The following STXBP5 variants were observed in gnomAD, a reference collection of about 807,000 sequenced individuals.
STXBP5 encodes the protein syntaxin binding protein 5, also known as syntaxin-binding protein 5.
In STXBP5, 50 loss-of-function variants were observed where a neutral mutation model predicts 152.4. That is an observed-to-expected ratio of 0.33 (90% CI 0.26 to 0.42). The LOEUF (loss-of-function observed/expected upper bound fraction) is 0.42. Ranked by LOEUF, STXBP5 falls within the 10% of genes least tolerant of loss-of-function variation. The pLI is 1.00. For missense variants in STXBP5, 1,167 were observed against 1,388.6 expected (o/e 0.84, Z 2.54); for synonymous variants, 492 against 494.7 (o/e 0.99, Z 0.07).
intron 18 of STXBP5, among the ~76,000 whole-genome samples, chr6:147,333,572 C>G (rs547453553): frequency 6.6e-6 from 1 of 152,106 alleles, no homozygotes; most frequent in South Asian, 2.1e-4. Context: ...AACTTCCTAT[C>G]TAATGAAAAA....
At chr6:147,355,411 G>T (rs1484059275) in intron 22 of STXBP5, among the ~76,000 whole-genome samples, 3 of 152,122 alleles carry the variant, frequency 2.0e-5, no homozygotes, top group Admixed American at 6.6e-5. Context: ...TGGCATGATT[G>T]TATCAGGTGC....
intron 6 of STXBP5, among the ~76,000 whole-genome samples, chr6:147,264,624 T>G (rs1779800388): frequency 6.6e-6 from 1 of 152,130 alleles, no homozygotes; most frequent in Admixed American, 6.5e-5. Context: ...ACATACACAC[T>G]AATGCTTTTT....
rs570857007 is a variant in STXBP5, at chr6:147,205,399, G to T, written c.151-572G>T. On this transcript the variant is annotated intron_variant, in intron 1 of 27. Transcript: ENST00000321680. Reference sequence around the variant, plus strand: ...ATATATATATATATATATATATATAGGTCTAATGCCCTAAAATGATTATGG... The same window carrying T: ...ATATATATATATATATATATATATATGTCTAATGCCCTAAAATGATTATGG... 8.3e-3 allele frequency among the ~76,000 whole-genome samples: 1,052 copies of T among 126,528 alleles called. 12 individuals carry two copies. Among genetic ancestry groups the T allele is most frequent in the African/African-American group, 0.033 (995 of 30,372 alleles). The allele number at this position is 126,528 out of a possible 152,430, so 83.0% of individuals were successfully genotyped here. A position where few individuals can be genotyped will look rare whatever the true frequency, so the allele number is the denominator to read the frequency against.
At chr6:147,365,430 G>A (rs1785248557) in intron 25 of STXBP5, among the ~76,000 whole-genome samples, 1 of 152,046 alleles carries the variant, frequency 6.6e-6, no homozygotes. Flanking sequence ...CTGAAATGTG[G>A]TCTTAATTCA....
At chr6:147,363,786 T>A (rs1785172661) in intron 24 of STXBP5, 82 bp downstream of exon 24, 2 of 1,506,156 alleles carry the variant, frequency 1.3e-6, no homozygotes, top group South Asian at 2.7e-5. Context: ...AAAGAAATGC[T>A]TTTTGTGTGT....
rs777588140 is a variant in STXBP5 at position 147,389,348 on chromosome 6, A to G, written c.*4593A>G. The G allele has an allele frequency of 3.3e-5, 5 of 151,876 alleles. No homozygotes were observed. The highest frequency in any genetic ancestry group is 4.8e-5 in the African/African-American group (2 of 41,430). The allele number at this position is 151,876 out of a possible 1,614,324, so 9.4% of individuals were successfully genotyped here. A position where few individuals can be genotyped will look rare whatever the true frequency, so the allele number is the denominator to read the frequency against. The stretch of plus-strand genomic sequence containing the variant: ...GGCTTACCTTTCTCAGATGAATTAA[A>G]TGATTTTAATAACTTCCCAATTACC... On this transcript the variant is annotated 3_prime_UTR_variant, in exon 28 of 28. Transcript: ENST00000321680.
At chr6:147,286,837 T>C (rs1780987096) in intron 8 of STXBP5, among the ~76,000 whole-genome samples, 1 of 151,956 alleles carries the variant, frequency 6.6e-6, no homozygotes, top group African/African-American at 2.4e-5. Context: ...CAGCCCAATC[T>C]CCTTTCTTGT....
chr6:147,342,446 C>T (rs1324542809), intron 21 of STXBP5, among the ~76,000 whole-genome samples: 1 of 152,156 alleles, frequency 6.6e-6, no homozygotes, highest in African/African-American at 2.4e-5. Context: ...TAGTTTTAGT[C>T]TTGTGAGTTT....
At chr6:147,338,878 CTATT>C (rs1457935376) in intron 19 of STXBP5, among the ~76,000 whole-genome samples, 6 of 151,208 alleles carry the variant, frequency 4.0e-5, no homozygotes, top group East Asian at 1.9e-4. Context: ...CAGTTAAACA[CTATT>C]TATAGTTTTT....
chr6:147,255,779 G>A (rs2115310925), intron 4 of STXBP5, among the ~76,000 whole-genome samples: 1 of 152,294 alleles, frequency 6.6e-6, no homozygotes, highest in East Asian at 1.9e-4. Flanking sequence ...CTCCCACAGT[G>A]CTGGAATTAC....
At chr6:147,314,065 A>G (rs1782514760) in intron 12 of STXBP5, 34 bp downstream of exon 12, 1 of 1,544,910 alleles carries the variant, frequency 6.5e-7, no homozygotes, top group African/African-American at 1.4e-5. Flanking sequence ...TTAATGTTAT[A>G]TTTCTTATTT....
intron 3 of STXBP5, among the ~76,000 whole-genome samples, chr6:147,238,159 AT>A (rs1271309139): frequency 5.3e-5 from 8 of 152,178 alleles, no homozygotes; most frequent in Non-Finnish European, 1.5e-5. Flanking sequence ...AAAGAAATTT[AT>A]TTAACTTTTG....
chr6:147,314,054 T>C, intron 12 of STXBP5, 23 bp downstream of exon 12: 1 of 1,561,838 alleles, frequency 6.4e-7, no homozygotes, highest in Non-Finnish European at 8.7e-7. Context: ...AGCTTCAGTA[T>C]TTAATGTTAT....
chr6:147,367,455 A>G (rs1354356944), intron 25 of STXBP5, among the ~76,000 whole-genome samples: 1 of 151,998 alleles, frequency 6.6e-6, no homozygotes, highest in Non-Finnish European at 1.5e-5. Context: ...TGGCTAACAC[A>G]GTGAAACCCC....
chr6:147,306,055 A>C (rs1359957676), intron 9 of STXBP5, among the ~76,000 whole-genome samples: 1 of 152,216 alleles, frequency 6.6e-6, no homozygotes, highest in Admixed American at 6.5e-5. Context: ...ACAATTATTA[A>C]AATGGCACAG....
intron 16 of STXBP5, among the ~76,000 whole-genome samples, chr6:147,320,867 A>G (rs1054157954): frequency 6.6e-6 from 1 of 152,148 alleles, no homozygotes; most frequent in Non-Finnish European, 1.5e-5. Flanking sequence ...ACCCAAGAAC[A>G]AGAATGCATG....
At chr6:147,213,440 G>A (rs1017999811) in intron 2 of STXBP5, among the ~76,000 whole-genome samples, 3 of 74,728 alleles carry the variant, frequency 4.0e-5, no homozygotes, top group Non-Finnish European at 9.6e-5. Flanking sequence ...ATATATGTGT[G>A]TGTGTGTGTG....
chr6:147,286,255 G>T (rs1258678506), intron 8 of STXBP5, among the ~76,000 whole-genome samples: 1 of 151,982 alleles, frequency 6.6e-6, no homozygotes, highest in African/African-American at 2.4e-5. Context: ...TGTAAATTGG[G>T]CTGCTAGAGA....
chr6:147,207,037 A>G (rs535000971), intron 2 of STXBP5, among the ~76,000 whole-genome samples: 3 of 151,930 alleles, frequency 2.0e-5, no homozygotes, highest in Non-Finnish European at 4.4e-5. Flanking sequence ...AGACATTACT[A>G]TTGTCAAAAA....
Sources: gnomAD v4.1 joint callset for allele counts (sites outside exome capture counted in the v4.1 genomes callset) on GRCh38, gnomAD v4.1.1 for gene constraint, MANE v1.5 for transcripts, NCBI Gene and HGNC (gene_info 2026-07-23, HGNC 2026-07-21) for gene names.